LRFN2: variants seen among roughly 807,000 people sequenced by gnomAD.
LRFN2 encodes leucine-rich repeat and fibronectin type-III domain-containing protein 2.
Under a neutral mutation model 37.3 loss-of-function variants are expected in LRFN2, and 18 were observed. The ratio of observed to expected loss-of-function variants is 0.48; its 90% CI spans 0.33 to 0.72. The LOEUF (loss-of-function observed/expected upper bound fraction) is 0.72, where lower values mean the gene tolerates loss of function less well. LRFN2 is among the 30% of genes least tolerant of loss of function. LRFN2 has a pLI of 0.02. For synonymous variants in LRFN2, 556 were observed against 466.6 expected (o/e 1.19, Z -2.47); for missense variants, 1,006 against 1,060.7 (o/e 0.95, Z 0.72).
chr6:40,551,119 C>T (rs1766771596), intron 1 of LRFN2, among the ~76,000 whole-genome samples: 1 of 152,096 alleles, frequency 6.6e-6, no homozygotes, highest in Non-Finnish European at 1.5e-5. Context: ...AGTCCATGAC[C>T]CTGGCCACAG....
At chr6:40,544,970 G>A (rs1766630172) in intron 1 of LRFN2, among the ~76,000 whole-genome samples, 2 of 152,200 alleles carry the variant, frequency 1.3e-5, no homozygotes, top group Admixed American at 1.3e-4. Context: ...TTGGGTAGTG[G>A]TTAGAAGCAC....
intron 1 of LRFN2, among the ~76,000 whole-genome samples, chr6:40,509,407 G>A (rs1765632652): frequency 6.6e-6 from 1 of 152,252 alleles, no homozygotes; most frequent in Non-Finnish European, 1.5e-5. Flanking sequence ...ACCCACTTGT[G>A]GGTCAGCAGC....
Position 40,475,606 on chromosome 6 carries a change from T to C in LRFN2, c.-18-42475A>G, listed in dbSNP as rs967709129. Among the ~76,000 whole-genome samples the C allele has an allele frequency of 2.6e-5, 4 of 152,298 alleles. No homozygotes were observed. In the East Asian group the frequency reaches 7.7e-4, roughly 29 times the overall value. On this transcript the variant is annotated intron_variant, in intron 1 of 2. Coordinates refer to ENST00000338305, the MANE Select transcript of LRFN2 (RefSeq NM_020737.3). ...TATGATGTACATGGAATGGGGATGA[T>C]GAGGCTGAGGAAGGGAGCCCTCATC...
chr6:40,521,834 G>A (rs909988), intron 1 of LRFN2, among the ~76,000 whole-genome samples: 79,509 of 152,112 alleles, frequency 0.52, 21,080 homozygotes, highest in Middle Eastern at 0.62. Context: ...CAGACCACAG[G>A]GGGAGCTGCT....
intron 1 of LRFN2, among the ~76,000 whole-genome samples, chr6:40,557,874 G>C (rs559508586): frequency 4.6e-5 from 7 of 152,306 alleles, no homozygotes; most frequent in African/African-American, 1.4e-4. Flanking sequence ...CAACTTCTAT[G>C]GGAGTGATTA....
At chr6:40,403,543 C>T (rs1160308517) in intron 2 of LRFN2, among the ~76,000 whole-genome samples, 1 of 152,202 alleles carries the variant, frequency 6.6e-6, no homozygotes, top group Admixed American at 6.5e-5. Flanking sequence ...ACTTTAGACT[C>T]TCAGTGAGTG....
chr6:40,448,769 A>C (rs1344472895), intron 1 of LRFN2, among the ~76,000 whole-genome samples: 1 of 152,330 alleles, frequency 6.6e-6, no homozygotes, highest in Non-Finnish European at 1.5e-5. Flanking sequence ...GTCCTTTGGC[A>C]GAAGGCAGAA....
chr6:40,422,732 C>A (rs9357326), intron 2 of LRFN2, among the ~76,000 whole-genome samples: 15,141 of 152,198 alleles, frequency 0.099, 1,526 homozygotes, highest in African/African-American at 0.26. Flanking sequence ...AACCCCATCC[C>A]TCTGTAAGCC....
chr6:40,485,472 AT>A (rs1764932793), intron 1 of LRFN2, among the ~76,000 whole-genome samples: 1 of 152,174 alleles, frequency 6.6e-6, no homozygotes, highest in African/African-American at 2.4e-5. Context: ...TTCATTAGAA[AT>A]TTACTCAATA....
At chr6:40,472,321 G>A (rs919117075) in intron 1 of LRFN2, among the ~76,000 whole-genome samples, 1 of 152,188 alleles carries the variant, frequency 6.6e-6, no homozygotes. Context: ...GAAAAAACCA[G>A]GAGTCTGCAG....
At chr6:40,510,379 A>G (rs1765671858) in intron 1 of LRFN2, among the ~76,000 whole-genome samples, 1 of 152,212 alleles carries the variant, frequency 6.6e-6, no homozygotes, top group Non-Finnish European at 1.5e-5. Context: ...GAGATTCCCA[A>G]CTGATGCCTC....
In LRFN2 at chr6:40,391,612, G is replaced by A. The variant is rs561179597; in HGVS notation, c.*331C>T. Reference sequence around the variant, plus strand: ...GGGAAATGGAAAAAAAATAAATTAAGAAATAAAAACAACACTAGACCCATA... The same window carrying A: ...GGGAAATGGAAAAAAAATAAATTAAAAAATAAAAACAACACTAGACCCATA... On this transcript the variant is annotated 3_prime_UTR_variant, in exon 3 of 3. Transcript: ENST00000338305. 1.3e-5 allele frequency: 3 copies of A among 232,010 alleles called. No homozygotes were observed. The highest frequency in any genetic ancestry group is 1.7e-4 in the East Asian group (2 of 11,898). 14.4% of individuals were successfully genotyped at this position (232,010 alleles called of 1,614,324 possible).
chr6:40,545,172 T>A (rs1766633869), intron 1 of LRFN2, among the ~76,000 whole-genome samples: 1 of 152,248 alleles, frequency 6.6e-6, no homozygotes, highest in South Asian at 2.1e-4. Context: ...AATAAATGCT[T>A]CATTAATGGT....
intron 1 of LRFN2, among the ~76,000 whole-genome samples, chr6:40,438,245 G>A (rs549552946): frequency 2.0e-4 from 30 of 152,146 alleles, no homozygotes; most frequent in Non-Finnish European, 4.3e-4. Context: ...GTCCAGTCTT[G>A]GGCATTTACC....
At chr6:40,451,758 C>T (rs1227350330) in intron 1 of LRFN2, among the ~76,000 whole-genome samples, 5 of 152,192 alleles carry the variant, frequency 3.3e-5, no homozygotes, top group Non-Finnish European at 7.3e-5. Context: ...TCCCTAGTCA[C>T]ATGTGTAGCT....
At chr6:40,536,211 G>A (rs953339151) in intron 1 of LRFN2, among the ~76,000 whole-genome samples, 3 of 152,012 alleles carry the variant, frequency 2.0e-5, no homozygotes, top group African/African-American at 7.3e-5. Flanking sequence ...GGGTGAGTGG[G>A]GGGCCGGTTC....
intron 2 of LRFN2, among the ~76,000 whole-genome samples, chr6:40,404,088 C>T (rs1762796208): frequency 3.3e-5 from 5 of 152,300 alleles, no homozygotes; most frequent in South Asian, 4.1e-4. Flanking sequence ...ATCACGTTCT[C>T]AGCGAGGCCA....
At chr6:40,468,954 G>A (rs1026911057) in intron 1 of LRFN2, among the ~76,000 whole-genome samples, 92 of 152,116 alleles carry the variant, frequency 6.0e-4, no homozygotes, top group African/African-American at 2.0e-3. Flanking sequence ...TTGAATGGAG[G>A]CCCCCCAAAA....
At chr6:40,530,401 T>G (rs924435864) in intron 1 of LRFN2, among the ~76,000 whole-genome samples, 4 of 151,814 alleles carry the variant, frequency 2.6e-5, no homozygotes, top group African/African-American at 9.7e-5. Context: ...TAGGAAAGAG[T>G]AACTGAATAG....
Sources: allele counts gnomAD v4.1 joint callset (sites outside exome capture counted in the v4.1 genomes callset), GRCh38; gene constraint gnomAD v4.1.1; transcripts MANE v1.5; gene names NCBI Gene and HGNC (gene_info 2026-07-23, HGNC 2026-07-21).